The following BAIAP3 variants were observed in gnomAD, a reference collection of about 807,000 sequenced individuals.
BAIAP3 encodes BAI1-associated protein 3.
BAIAP3 carries 180 observed loss-of-function variants against 149.7 expected under a neutral mutation model. That is an observed-to-expected ratio of 1.20 (90% CI 1.07 to 1.36). The LOEUF is 1.36. BAIAP3 is among the 40% of genes most tolerant of loss of function. BAIAP3 has a pLI of 0.00. For synonymous variants in BAIAP3, 845 were observed against 670.7 expected (o/e 1.26, Z -4.02); for missense variants, 1,767 against 1,563.4 (o/e 1.13, Z -2.20).
chr16:1,347,191 G>C, intron 28 of BAIAP3, 107 bp from the exon 29 acceptor site: 5 of 1,193,174 alleles, frequency 4.2e-6, no homozygotes, highest in Non-Finnish European at 5.9e-6. Flanking sequence ...TCTGCCCTTG[G>C]CTGCTGAGCC....
intron 1 of BAIAP3, chr16:1,336,362 G>C (rs1398708314): frequency 1.0e-6 from 1 of 985,302 alleles, no homozygotes; most frequent in Admixed American, 6.2e-5. Context: ...TTTTGGGGGG[G>C]AGGCTCACAG....
At chr16:1,336,186 G>GC (rs1437824690) in intron 1 of BAIAP3, 1 of 984,676 alleles carries the variant, frequency 1.0e-6, no homozygotes, top group Non-Finnish European at 1.2e-6. Flanking sequence ...AGCTCCAGCA[G>GC]CGGCTGCTCC....
chr16:1,335,442 G>A (rs966247847), intron 1 of BAIAP3, among the ~76,000 whole-genome samples: 7 of 142,000 alleles, frequency 4.9e-5, no homozygotes, highest in African/African-American at 1.6e-4. Context: ...GTTACATCAC[G>A]TCTGGGCCCA....
chr16:1,340,520 GCACA>G (rs1424313549), intron 5 of BAIAP3, among the ~76,000 whole-genome samples: 1 of 150,148 alleles, frequency 6.7e-6, no homozygotes, highest in Admixed American at 6.6e-5. Flanking sequence ...GGCTGCAGGT[GCACA>G]CAGACACGCA....
chr16:1,346,045 G>T lies in BAIAP3; in HGVS notation c.2268G>T (p.Gln756His). Residue 756 changes from glutamine (Q) to histidine (H), a missense_variant, in exon 24 of 34, where the codon CAG (glutamine) becomes CAT (histidine). Transcript: ENST00000426824. Reference protein sequence around the residue: ...TELLRKKVDTQPGAAGEAVSE... With the variant: ...TELLRKKVDTHPGAAGEAVSE... ...TGCTTCGGAAGAAGGTGGACACTCA[G>T]CCAGGGGCGGCCGGTGAAGCAGTGA... The T allele has an allele frequency of 6.2e-7, 1 of 1,611,708 alleles. No individual in the cohort carries two copies. The highest frequency in any genetic ancestry group is 1.1e-5 in the South Asian group (1 of 90,842).
In BAIAP3 at chr16:1,347,736, C is replaced by CGTCCGTTGCCATTACGAGGCG. The variant is rs754045358; in HGVS notation, c.2942_2962dup (p.Val981_Ala987dup). The CGTCCGTTGCCATTACGAGGCG allele has an allele frequency of 2.5e-5, 41 of 1,609,826 alleles. No homozygotes were observed. Among genetic ancestry groups the CGTCCGTTGCCATTACGAGGCG allele is most frequent in the Non-Finnish European group, 3.5e-5 (41 of 1,177,688 alleles). ...AGCAGAACCGGTTTGGACGCCTGAG[C>CGTCCGTTGCCATTACGAGGCG]GTCCGTTGCCATTACGAGGCGGCTG... is the stretch of plus-strand genomic sequence containing the variant. On this transcript the variant is annotated inframe_insertion, in exon 31 of 34. Coordinates refer to ENST00000426824, the MANE Select transcript of BAIAP3 (RefSeq NM_001199097.2).
rs1478907641 is a variant in BAIAP3, at chr16:1,343,016, TGTGA to T, written c.1265+4_1265+7del. 6.2e-7 allele frequency: 1 copy of T among 1,606,380 alleles called. No individual in the cohort carries two copies. Among genetic ancestry groups the T allele is most frequent in the Non-Finnish European group, 8.5e-7 (1 of 1,179,376 alleles). On this transcript the variant is annotated splice_donor_variant and splice_donor_region_variant and intron_variant, in intron 14 of 33. Coordinates refer to ENST00000426824, the MANE Select transcript of BAIAP3 (RefSeq NM_001199097.2). LOFTEE classifies it high-confidence loss of function. ...CTGTCACCCTTGCAGCTGGCCGTGC[TGTGA>T]GTGGGTGGAGCTACGAGTGGGCGGG...
intron 2 of BAIAP3, 101 bp downstream of exon 2, chr16:1,338,781 G>C (rs998042991): frequency 6.3e-7 from 1 of 1,577,354 alleles, no homozygotes; most frequent in South Asian, 1.1e-5. Flanking sequence ...CGGGAAGGAG[G>C]GTCTGCAGTT....
chr16:1,340,778 G>A (rs755302058), intron 5 of BAIAP3, 144 bp from the exon 6 acceptor site: 7 of 847,704 alleles, frequency 8.3e-6, no homozygotes, highest in African/African-American at 3.4e-5. Flanking sequence ...ACCCTCTGCC[G>A]CTGCCTCCCA....
Position 1,344,154 on chromosome 16 carries a change from C to G in BAIAP3, c.1511+8C>G. On this transcript the variant is annotated splice_region_variant and intron_variant, in intron 16 of 33. Transcript: ENST00000426824. ...CCTGGAGCTGCTGCTGAAGTGGGTGCAGCGCCGCGTGTCAGCGTGGGTGGG... is the reference window on the plus strand; with the variant it reads ...CCTGGAGCTGCTGCTGAAGTGGGTGGAGCGCCGCGTGTCAGCGTGGGTGGG... 1 of 1,611,804 alleles carries G rather than the reference C, an allele frequency of 6.2e-7. No homozygotes were observed. Among genetic ancestry groups the G allele is most frequent in the Non-Finnish European group, 8.5e-7 (1 of 1,179,678 alleles).
chr16:1,335,883 G>C (rs2141556524), intron 1 of BAIAP3, among the ~76,000 whole-genome samples: 1 of 152,314 alleles, frequency 6.6e-6, no homozygotes, highest in South Asian at 2.1e-4. Context: ...TGCTGGCTCT[G>C]GGACCTTGGG....
intron 3 of BAIAP3, 42 bp from the exon 4 acceptor site, chr16:1,339,122 T>C (rs757416845): frequency 2.5e-6 from 4 of 1,572,336 alleles, no homozygotes; most frequent in Non-Finnish European, 2.6e-6. Flanking sequence ...GGCCTGGGGC[T>C]CTCCCTGCCG....
chr16:1,339,267 G>T, intron 4 of BAIAP3, 23 bp downstream of exon 4: 1 of 1,552,622 alleles, frequency 6.4e-7, no homozygotes. Flanking sequence ...GTCGGAACCA[G>T]GGGCAGTCGT....
At chr16:1,341,003 C>A in intron 6 of BAIAP3, 22 bp downstream of exon 6, 1 of 1,606,110 alleles carries the variant, frequency 6.2e-7, no homozygotes, top group Non-Finnish European at 8.5e-7. Context: ...ACTGCCTGGG[C>A]AGGCACTGAC....
Position 1,344,279 on chromosome 16 carries a change from G to C in BAIAP3, c.1564G>C (p.Glu522Gln). The C allele has an allele frequency of 1.2e-6, 2 of 1,613,878 alleles. No individual in the cohort carries two copies. The highest frequency in any genetic ancestry group is 1.6e-4 in the Middle Eastern group (1 of 6,062). The change falls in exon 17 of 34, where the codon GAG becomes CAG. Residue 522 changes from glutamate to glutamine, a missense_variant. By Grantham distance (29) the Glu-to-Gln change is conservative. Coordinates refer to ENST00000426824, the MANE Select transcript of BAIAP3 (RefSeq NM_001199097.2). ...FQPSFEICPF[E>Q]SELNMDIAAA... ...ACCCTCCTTTGAGATCTGCCCCTTC[G>C]AGTCGGAGCTGAACATGGACATTGC...
At position 1,341,198 on chromosome 16, in the gene BAIAP3, G is replaced by C. The variant is rs745323518; in HGVS notation, c.535+3G>C. On this transcript the variant is annotated splice_donor_region_variant and intron_variant, in intron 7 of 33. Coordinates refer to ENST00000426824, the MANE Select transcript of BAIAP3 (RefSeq NM_001199097.2). ...CCTTCTGGCCAAGGACCCCAACGGT[G>C]AGTGGGGACCCAGCAGACCTCGGCT... is the stretch of plus-strand genomic sequence containing the variant. The C allele has an allele frequency of 1.2e-6, 2 of 1,612,338 alleles. No individual in the cohort carries two copies. The highest frequency in any genetic ancestry group is 1.7e-6 in the Non-Finnish European group (2 of 1,179,684).
In BAIAP3 at chr16:1,349,185, G is replaced by A; in HGVS notation, c.*703G>A. On this transcript the variant is annotated 3_prime_UTR_variant, in exon 34 of 34. Transcript: ENST00000426824. ...CCACGACCCTTCCAGGCAGAGCCGAGAGTTCGCCCCAACCCTTCCCCAGGC... is the reference window on the plus strand; with the variant it reads ...CCACGACCCTTCCAGGCAGAGCCGAAAGTTCGCCCCAACCCTTCCCCAGGC... 1 of 547,164 alleles carries A rather than the reference G, an allele frequency of 1.8e-6. No individual in the cohort carries two copies. Among genetic ancestry groups the A allele is most frequent in the East Asian group, 3.2e-5 (1 of 31,112 alleles). The allele number at this position is 547,164 out of a possible 1,614,324, so 33.9% of individuals were successfully genotyped here. A position where few individuals can be genotyped will look rare whatever the true frequency, so the allele number is the denominator to read the frequency against.
In BAIAP3 at chr16:1,339,205, G is replaced by A. The variant is rs1334559010; in HGVS notation, c.261G>A (p.Val87=). 4 of 1,565,896 alleles carry A rather than the reference G, an allele frequency of 2.6e-6. No individual in the cohort carries two copies. Among genetic ancestry groups the A allele is most frequent in the Admixed American group, 1.9e-5 (1 of 51,960 alleles). ...RSGSPAPPEP[V]DPSLGLRALA... is the part of the protein sequence containing the mutation. ...GCTCGCCAGCACCCCCGGAGCCTGT[G>A]GATCCCAGCCTCGGCCTGAGAGCCC... Residue 87 remains valine, a synonymous_variant, in exon 4 of 34, where the codon GTG becomes GTA. Transcript: ENST00000426824.
intron 9 of BAIAP3, 28 bp from the exon 10 acceptor site, chr16:1,341,958 A>AGG: frequency 1.3e-6 from 2 of 1,582,764 alleles, no homozygotes; most frequent in Non-Finnish European, 1.7e-6. Flanking sequence ...GGCTCCAGAC[A>AGG]AGCCAGGTCC....
Sources: allele counts gnomAD v4.1 joint callset (sites outside exome capture counted in the v4.1 genomes callset), GRCh38; gene constraint gnomAD v4.1.1; transcripts MANE v1.5; gene names NCBI Gene and HGNC (gene_info 2026-07-23, HGNC 2026-07-21).